USP10: variants seen among roughly 807,000 people sequenced by gnomAD.
USP10 encodes the protein ubiquitin specific peptidase 10, also known as ubiquitin carboxyl-terminal hydrolase 10.
Under a neutral mutation model 84.5 loss-of-function variants are expected in USP10, and 22 were observed. That is an observed-to-expected ratio of 0.26 (90% CI 0.19 to 0.37). The LOEUF is 0.37. USP10 is among the 10% of genes least tolerant of loss of function. USP10 has a pLI of 1.00. For missense variants in USP10, 1,019 were observed against 998.9 expected, an observed-to-expected ratio of 1.02 and a Z score of -0.27; for synonymous variants, 454 against 387.6, an observed-to-expected ratio of 1.17 and a Z score of -2.01.
In USP10 at chr16:84,731,793, G is replaced by A. The variant is rs1364920182; in HGVS notation, c.22-1642G>A. ...TGATAGCTCTTTTTTTTTTGTGATA[G>A]TCTGTGCTAATTTTTTCTGCTTCCT... On this transcript the variant is annotated intron_variant, in intron 1 of 13. Coordinates refer to ENST00000219473, the MANE Select transcript of USP10 (RefSeq NM_005153.3). Among the ~76,000 whole-genome samples, 11 of 150,956 alleles carry A rather than the reference G, an allele frequency of 7.3e-5. No homozygotes were observed. In the South Asian group the frequency reaches 2.3e-3, roughly 31 times the overall value.
At chr16:84,773,005 A>G (rs891967286) in intron 12 of USP10, among the ~76,000 whole-genome samples, 4 of 152,188 alleles carry the variant, frequency 2.6e-5, no homozygotes, top group Non-Finnish European at 5.9e-5. Context: ...TCCACCGAGT[A>G]TTAACAGCTG....
chr16:84,730,747 T>C (rs1392723827), intron 1 of USP10, among the ~76,000 whole-genome samples: 1 of 152,212 alleles, frequency 6.6e-6, no homozygotes, highest in Non-Finnish European at 1.5e-5. Flanking sequence ...CTAAAAACTT[T>C]AGGCTGTATA....
chr16:84,759,836 T>G, intron 6 of USP10, 55 bp from the exon 7 acceptor site: 1 of 1,553,758 alleles, frequency 6.4e-7, no homozygotes, highest in Non-Finnish European at 8.9e-7. Flanking sequence ...AGCTCTTTAG[T>G]AAAAGTATAT....
At position 84,733,503 on chromosome 16, in the gene USP10, G is replaced by A; in HGVS notation, c.90G>A (p.Glu30=). 6.2e-7 allele frequency: 1 copy of A among 1,607,530 alleles called. No individual in the cohort carries two copies. The highest frequency in any genetic ancestry group is 8.5e-7 in the Non-Finnish European group (1 of 1,177,940). Reference sequence around the variant, plus strand: ...TTGTGACTCCTCGATCTTCAGTTGAGGTAAGACAAAACTTTGTTTTAGTGA... The same window carrying A: ...TTGTGACTCCTCGATCTTCAGTTGAAGTAAGACAAAACTTTGTTTTAGTGA... ...QFFVTPRSSV[E]LPPYSGTVLC... Residue 30 remains glutamate (E), a splice_region_variant and synonymous_variant, in exon 2 of 14, where the codon GAG becomes GAA. Transcript: ENST00000219473.
At chr16:84,765,073 C>CAA (rs1422542387) in intron 10 of USP10, among the ~76,000 whole-genome samples, 1 of 136,998 alleles carries the variant, frequency 7.3e-6, no homozygotes, top group Non-Finnish European at 1.6e-5. Context: ...AGACTGTCTT[C>CAA]AAAAAAAAAA....
At chr16:84,736,365 T>A (rs1909939574) in intron 2 of USP10, among the ~76,000 whole-genome samples, 1 of 152,244 alleles carries the variant, frequency 6.6e-6, no homozygotes, top group Non-Finnish European at 1.5e-5. Context: ...AAGCGCCTCC[T>A]GCCAGCGGAG....
chr16:84,772,426 C>G (rs1455029438), intron 11 of USP10, 115 bp from the exon 12 acceptor site: 27 of 1,435,740 alleles, frequency 1.9e-5, no homozygotes, highest in Non-Finnish European at 2.5e-5. Context: ...GAAGTCCTGC[C>G]ACAGGACTCT....
At chr16:84,767,876 C>T (rs2550409) in intron 10 of USP10, among the ~76,000 whole-genome samples, 116,183 of 150,674 alleles carry the variant, frequency 0.77, 44,908 homozygotes, top group Non-Finnish European at 0.82. Context: ...GGTCAGCAGA[C>T]AAACAAGTGA....
intron 1 of USP10, among the ~76,000 whole-genome samples, chr16:84,728,662 G>T (rs1432006849): frequency 2.0e-5 from 3 of 151,646 alleles, no homozygotes; most frequent in Non-Finnish European, 4.4e-5. Flanking sequence ...TATAATTTAT[G>T]TCCGTCCACT....
chr16:84,772,747 A>G, intron 12 of USP10, 62 bp downstream of exon 12: 1 of 1,583,602 alleles, frequency 6.3e-7, no homozygotes, highest in African/African-American at 1.3e-5. Flanking sequence ...CAGAAGCTCA[A>G]CCCTGTAGCA....
chr16:84,712,872 G>A (rs1906495459), intron 1 of USP10, among the ~76,000 whole-genome samples: 1 of 152,200 alleles, frequency 6.6e-6, no homozygotes, highest in Non-Finnish European at 1.5e-5. Context: ...GTCTGGAGAT[G>A]ATAGGACACT....
rs577097113 is a variant in USP10, at chr16:84,738,676, G to C, written c.91-1633G>C. 2.1e-4 allele frequency among the ~76,000 whole-genome samples: 32 copies of C among 152,370 alleles called. No individual in the cohort carries two copies. In the South Asian group the frequency reaches 6.4e-3, roughly 31 times the overall value. On this transcript the variant is annotated intron_variant, in intron 2 of 13. Transcript: ENST00000219473. ...GGTTGCCCCCTGGTGGTGGAGATAA[G>C]TGCAGCTGTCAACTCCTGAAGGTGT... is the stretch of plus-strand genomic sequence containing the variant.
chr16:84,732,825 A>G (rs1413734115), intron 1 of USP10, among the ~76,000 whole-genome samples: 1 of 152,184 alleles, frequency 6.6e-6, no homozygotes, highest in Non-Finnish European at 1.5e-5. Context: ...GTGCAGTTTA[A>G]CCACTTCGTT....
At chr16:84,704,916 CT>C in intron 1 of USP10, 6 of 1,535,368 alleles carry the variant, frequency 3.9e-6, no homozygotes, top group Middle Eastern at 1.7e-4. Flanking sequence ...AATTCCTCGA[CT>C]TTCCCTTTTG....
At chr16:84,709,033 A>AT (rs1905920719) in intron 1 of USP10, 1 of 150,262 alleles carries the variant, frequency 6.7e-6, no homozygotes, top group Non-Finnish European at 1.5e-5. Context: ...AGTCAAGAAC[A>AT]TTCATTCATT....
intron 9 of USP10, among the ~76,000 whole-genome samples, chr16:84,763,884 G>A (rs781304740): frequency 4.6e-5 from 7 of 152,118 alleles, no homozygotes; most frequent in Non-Finnish European, 7.4e-5. Flanking sequence ...GCGATTGGTT[G>A]CCGTGGATCC....
At chr16:84,763,211 C>A (rs1913413003) in intron 9 of USP10, 123 bp downstream of exon 9, 2 of 536,868 alleles carry the variant, frequency 3.7e-6, no homozygotes, top group Non-Finnish European at 6.7e-6. Context: ...GCATTTATTC[C>A]CTACGATAAC....
intron 7 of USP10, 40 bp from the exon 8 acceptor site, chr16:84,760,132 C>G (rs1345776065): frequency 1.3e-6 from 2 of 1,570,286 alleles, no homozygotes; most frequent in Non-Finnish European, 1.7e-6. Context: ...TTTATGAGTT[C>G]ATTGTAGTTA....
intron 1 of USP10, among the ~76,000 whole-genome samples, chr16:84,728,589 A>G (rs1295964843): frequency 2.0e-5 from 3 of 152,116 alleles, no homozygotes; most frequent in Non-Finnish European, 4.4e-5. Flanking sequence ...TCGGCCTCCC[A>G]AAGTGCTGGG....
Sources: gnomAD v4.1 joint callset for allele counts (sites outside exome capture counted in the v4.1 genomes callset) on GRCh38, gnomAD v4.1.1 for gene constraint, MANE v1.5 for transcripts, NCBI Gene and HGNC (gene_info 2026-07-23, HGNC 2026-07-21) for gene names.